Variants in SDR42E1 observed in about 807,000 individuals in gnomAD.
SDR42E1 encodes the protein short chain dehydrogenase/reductase family 42E, member 1.
In SDR42E1, 5 loss-of-function variants were observed where a neutral mutation model predicts 2.6. That is an observed-to-expected ratio of 1.94 (90% CI 1.01 to 4.08). SDR42E1 has a LOEUF of 4.08. Ranked by LOEUF, SDR42E1 falls within the 30% of genes most tolerant of loss-of-function variation. The pLI is 0.00. For synonymous variants in SDR42E1, 231 were observed against 188.3 expected (o/e 1.23, Z -1.86); for missense variants, 596 against 478.6 (o/e 1.25, Z -2.29).
chr16:81,993,475 T>A lies in SDR42E1; in HGVS notation c.*5636A>T, dbSNP rs1912473523. 1 of 152,240 alleles carries A rather than the reference T, an allele frequency of 6.6e-6. No individual in the cohort carries two copies. The highest frequency in any genetic ancestry group is 1.5e-5 in the Non-Finnish European group (1 of 68,062). The allele number at this position is 152,240 out of a possible 1,614,324, so 9.4% of individuals were successfully genotyped here. A position where few individuals can be genotyped will look rare whatever the true frequency, so the allele number is the denominator to read the frequency against. ...TCATTCCCCTGCCCCCGTGCTTTTC[T>A]GGTTGTTACAGTGAAAGGACCGATT... is the stretch of plus-strand genomic sequence containing the variant. On this transcript the variant is annotated 3_prime_UTR_variant, in exon 3 of 3. Coordinates refer to ENST00000328945, the MANE Select transcript of SDR42E1 (RefSeq NM_145168.3).
rs374652788 is a variant in SDR42E1, at chr16:82,000,101, T to C, written c.192A>G (p.Val64=). Residue 64 remains valine (V), a synonymous_variant, in exon 3 of 3, where the codon GTA becomes GTG. Coordinates refer to ENST00000328945, the MANE Select transcript of SDR42E1 (RefSeq NM_145168.3). ...CGTCTGCATCCTGGAAGGCTTTCTCTACGTCAGACAGGTGGCGGATGTCTC... is the reference window on the plus strand; with the variant it reads ...CGTCTGCATCCTGGAAGGCTTTCTCCACGTCAGACAGGTGGCGGATGTCTC... ...IQGDIRHLSD[V]EKAFQDADVT... The C allele has an allele frequency of 4.0e-5, 64 of 1,614,112 alleles. No homozygotes were observed. The highest frequency in any genetic ancestry group is 5.1e-5 in the Non-Finnish European group (60 of 1,180,046).
At position 82,011,398 on chromosome 16, in the gene SDR42E1, C is replaced by G. The variant is rs989980234; in HGVS notation, c.-38G>C. On this transcript the variant is annotated 5_prime_UTR_variant, in exon 1 of 3. Coordinates refer to ENST00000328945, the MANE Select transcript of SDR42E1 (RefSeq NM_145168.3). ...CCAGGCCCACTCACAGCTGCAGGAACAAGGGCGCGGCAGACGGCTACAGCA... is the reference window on the plus strand; with the variant it reads ...CCAGGCCCACTCACAGCTGCAGGAAGAAGGGCGCGGCAGACGGCTACAGCA... 1.3e-5 allele frequency: 2 copies of G among 152,600 alleles called. No individual in the cohort carries two copies. Among genetic ancestry groups the G allele is most frequent in the Non-Finnish European group, 2.9e-5 (2 of 68,382 alleles). The allele number at this position is 152,600 out of a possible 1,614,324, so 9.5% of individuals were successfully genotyped here. A position where few individuals can be genotyped will look rare whatever the true frequency, so the allele number is the denominator to read the frequency against.
chr16:82,010,517 A>C (rs760483657), intron 1 of SDR42E1, among the ~76,000 whole-genome samples: 3 of 152,190 alleles, frequency 2.0e-5, no homozygotes, highest in Non-Finnish European at 2.9e-5. Context: ...GCTTAGGGCA[A>C]ACCTGCCTCC....
In SDR42E1 at chr16:81,999,939, T is replaced by C. The variant is rs1443755599; in HGVS notation, c.354A>G (p.Leu118=). The C allele has an allele frequency of 7.4e-6, 12 of 1,614,106 alleles. No homozygotes were observed. In the East Asian group the frequency reaches 2.7e-4, roughly 36 times the overall value. ...QVCQRRRVPR[L]VYTSTFNVIF... ...TGACATTGAAAGTGCTGGTGTAAAC[T>C]AACCTGGGCACCCTTCTCCTTTGGC... is the stretch of plus-strand genomic sequence containing the variant. Residue 118 remains leucine, a synonymous_variant, in exon 3 of 3, where the codon TTA becomes TTG. Coordinates refer to ENST00000328945, the MANE Select transcript of SDR42E1 (RefSeq NM_145168.3).
intron 1 of SDR42E1, among the ~76,000 whole-genome samples, chr16:82,009,287 A>T (rs1462981846): frequency 6.6e-6 from 1 of 152,180 alleles, no homozygotes; most frequent in East Asian, 1.9e-4. Context: ...GAGAGCTACC[A>T]TCCTCCAGAC....
chr16:82,000,758 A>G, intron 2 of SDR42E1, 33 bp downstream of exon 2: 1 of 1,505,772 alleles, frequency 6.6e-7, no homozygotes, highest in Non-Finnish European at 9.2e-7. Context: ...CCAGTAAAAT[A>G]ATTCCATGTG....
At chr16:82,007,143 T>C (rs139742636) in intron 1 of SDR42E1, among the ~76,000 whole-genome samples, 42 of 152,332 alleles carry the variant, frequency 2.8e-4, no homozygotes, top group Admixed American at 8.5e-4. Context: ...ACTGGCAATA[T>C]CTATAGGGAC....
chr16:82,002,679 T>A (rs1406221910), intron 1 of SDR42E1, among the ~76,000 whole-genome samples: 1 of 152,126 alleles, frequency 6.6e-6, no homozygotes, highest in East Asian at 1.9e-4. Flanking sequence ...CAGTCTTAAA[T>A]GAAAAGAGAA....
In SDR42E1 at chr16:81,995,323, T is replaced by C. The variant is rs1912518554; in HGVS notation, c.*3788A>G. ...TTAGGCAGGGTTGAGTGATTCAATC[T>C]AAGGTTGAGGCAAGGTGAGGGCAGC... On this transcript the variant is annotated 3_prime_UTR_variant, in exon 3 of 3. Coordinates refer to ENST00000328945, the MANE Select transcript of SDR42E1 (RefSeq NM_145168.3). 6.6e-6 allele frequency: 1 copy of C among 152,284 alleles called. No homozygotes were observed. Among genetic ancestry groups the C allele is most frequent in the Non-Finnish European group, 1.5e-5 (1 of 68,130 alleles). 9.4% of individuals were successfully genotyped at this position (152,284 alleles called of 1,614,324 possible).
rs1223838158 is a variant in SDR42E1 at position 81,991,137 on chromosome 16, G to A, written c.*7974C>T. 6.6e-6 allele frequency: 1 copy of A among 152,162 alleles called. No individual in the cohort carries two copies. The highest frequency in any genetic ancestry group is 2.4e-5 in the African/African-American group (1 of 41,442). The allele number at this position is 152,162 out of a possible 1,614,324, so 9.4% of individuals were successfully genotyped here. ...ACACAAACAAGTCTTCCTGGAGGAT[G>A]TCCTCTGGGCTATTAAGTATGGCTC... On this transcript the variant is annotated 3_prime_UTR_variant, in exon 3 of 3. Transcript: ENST00000328945.
intron 1 of SDR42E1, 95 bp from the exon 2 acceptor site, chr16:82,000,979 T>C (rs1410519277): frequency 5.1e-5 from 38 of 740,576 alleles, no homozygotes; most frequent in South Asian, 2.5e-4. Context: ...CAATACGCTG[T>C]AGTAGAATGA....
chr16:81,993,271 G>C lies in SDR42E1; in HGVS notation c.*5840C>G, dbSNP rs539496594. ...CAGGAGCCTCTCAGCATCTTGCAAGGGAGCCAGTGTTTAGTATCTGGCACC... is the reference window on the plus strand; with the variant it reads ...CAGGAGCCTCTCAGCATCTTGCAAGCGAGCCAGTGTTTAGTATCTGGCACC... On this transcript the variant is annotated 3_prime_UTR_variant, in exon 3 of 3. Transcript: ENST00000328945. 1 of 152,258 alleles carries C rather than the reference G, an allele frequency of 6.6e-6. No homozygotes were observed. The highest frequency in any genetic ancestry group is 1.9e-4 in the East Asian group (1 of 5,168). 9.4% of individuals were successfully genotyped at this position (152,258 alleles called of 1,614,324 possible).
In SDR42E1 at chr16:81,997,778, C is replaced by G. The variant is rs536165321; in HGVS notation, c.*1333G>C. On this transcript the variant is annotated 3_prime_UTR_variant, in exon 3 of 3. Transcript: ENST00000328945. ...CAGTCCCAGCTCCCAAGTGAGGAAG[C>G]TAAGTTCTAAAGGGCTTCTGTTCCT... 5 of 152,304 alleles carry G rather than the reference C, an allele frequency of 3.3e-5. No individual in the cohort carries two copies. Among genetic ancestry groups the G allele is most frequent in the African/African-American group, 1.2e-4 (5 of 41,570 alleles). 9.4% of individuals were successfully genotyped at this position (152,304 alleles called of 1,614,324 possible).
chr16:82,002,044 A>C (rs17799706), intron 1 of SDR42E1, among the ~76,000 whole-genome samples: 14,429 of 152,020 alleles, frequency 0.095, 907 homozygotes, highest in Middle Eastern at 0.15. Context: ...TTAGGCATGA[A>C]GACTGCAAGC....
chr16:82,008,986 C>T (rs1026038082), intron 1 of SDR42E1, among the ~76,000 whole-genome samples: 12 of 152,294 alleles, frequency 7.9e-5, no homozygotes, highest in South Asian at 2.1e-4. Flanking sequence ...GTGGCTAAAA[C>T]GGGCCAAGGT....
intron 1 of SDR42E1, among the ~76,000 whole-genome samples, chr16:82,003,914 C>G (rs1446341460): frequency 6.6e-6 from 1 of 152,058 alleles, no homozygotes; most frequent in Non-Finnish European, 1.5e-5. Context: ...AAAATATATC[C>G]AATTCAGTAA....
chr16:82,008,061 T>C (rs1418724451), intron 1 of SDR42E1, among the ~76,000 whole-genome samples: 14 of 152,138 alleles, frequency 9.2e-5, no homozygotes, highest in Non-Finnish European at 1.5e-5. Context: ...ATTCTCATGA[T>C]AGTAAGTCCC....
intron 1 of SDR42E1, among the ~76,000 whole-genome samples, chr16:82,010,591 G>A (rs28709269): frequency 0.045 from 6,860 of 152,150 alleles, 496 homozygotes; most frequent in African/African-American, 0.15. Context: ...CTTTGGAGAG[G>A]CTAATCAAAC....
intron 1 of SDR42E1, among the ~76,000 whole-genome samples, chr16:82,009,426 A>C (rs1913053547): frequency 6.6e-6 from 1 of 152,258 alleles, no homozygotes; most frequent in Non-Finnish European, 1.5e-5. Flanking sequence ...GAGCTGCCCA[A>C]GACTATGGGA....
Sources: allele counts gnomAD v4.1 joint callset (sites outside exome capture counted in the v4.1 genomes callset), GRCh38; gene constraint gnomAD v4.1.1; transcripts MANE v1.5; gene names NCBI Gene and HGNC (gene_info 2026-07-23, HGNC 2026-07-21).